The following TMEM214 variants were observed in gnomAD, a reference collection of about 807,000 sequenced individuals.
TMEM214 encodes the protein transmembrane protein 214.
In TMEM214, 71 loss-of-function variants were observed where a neutral mutation model predicts 89.8. That is an observed-to-expected ratio of 0.79 (90% confidence interval 0.65 to 0.96). The LOEUF (loss-of-function observed/expected upper bound fraction) is 0.96. Among genes scored for constraint, TMEM214 ranks in the 40% least tolerant of loss-of-function variants. The probability of loss-of-function intolerance (pLI) is 0.00; values close to 1 mark genes in which losing one functional copy is unlikely to be tolerated. For synonymous variants in TMEM214, 332 were observed against 349.5 expected, an observed-to-expected ratio of 0.95 and a Z score of 0.56; for missense variants, 754 against 843.4, an observed-to-expected ratio of 0.89 and a Z score of 1.31.
At chr2:27,033,932 C>A in intron 1 of TMEM214, 135 bp from the exon 2 acceptor site, 1 of 961,596 alleles carries the variant, frequency 1.0e-6, no homozygotes, top group Non-Finnish European at 1.6e-6. Flanking sequence ...CTTAAGCAGT[C>A]CAAGAGGAAG....
At position 27,037,718 on chromosome 2, in the gene TMEM214, G is replaced by C. The variant is rs754856670; in HGVS notation, c.1152+16G>C. The C allele has an allele frequency of 6.2e-7, 1 of 1,614,098 alleles. No homozygotes were observed. The highest frequency in any genetic ancestry group is 1.7e-5 in the Admixed American group (1 of 60,018). On this transcript the variant is annotated intron_variant, in intron 9 of 16. Transcript: ENST00000238788. ...GAAGAAAGAGGTGAGGATATGGTGG[G>C]AGGCTTTTTCTCCTTCCCCAGGGGT...
In TMEM214 at chr2:27,038,846, C is replaced by T. The variant is rs111715220; in HGVS notation, c.1407+31C>T. On this transcript the variant is annotated intron_variant, in intron 12 of 16. Coordinates refer to ENST00000238788, the MANE Select transcript of TMEM214 (RefSeq NM_017727.5). This position sits in a 1 kb window ranked among gnomAD's most constrained non-coding sequence, Gnocchi z 4.4. ...GGCACCCGGTCCTCTCCAGCCCACA[C>T]GCTATCTTACATCTCTGTCTCAGCA... 59 of 1,580,170 alleles carry T rather than the reference C, an allele frequency of 3.7e-5. 1 individual carries two copies. The highest frequency in any genetic ancestry group is 2.3e-4 in the African/African-American group (17 of 74,254).
Position 27,038,981 on chromosome 2 carries a change from T to C in TMEM214, c.1408-66T>C. On this transcript the variant is annotated intron_variant, in intron 12 of 16. Transcript: ENST00000238788. This position sits in a 1 kb window ranked among gnomAD's most constrained non-coding sequence, Gnocchi z 4.4. The stretch of plus-strand genomic sequence containing the variant: ...TCTTTCGGGAAGGCCTGGCTTGAGG[T>C]CTGCCCTCAGAGGCAAAGACCAGCC... 6.4e-7 allele frequency: 1 copy of C among 1,560,430 alleles called. No homozygotes were observed. The highest frequency in any genetic ancestry group is 8.8e-7 in the Non-Finnish European group (1 of 1,135,546).
intron 2 of TMEM214, 119 bp from the exon 3 acceptor site, chr2:27,035,012 TAAAA>T: frequency 9.2e-7 from 1 of 1,082,284 alleles, no homozygotes; most frequent in Non-Finnish European, 1.3e-6. Flanking sequence ...TTCTTATGCT[TAAAA>T]ATGGAATCCC....
chr2:27,034,436 A>T (rs1572785097), intron 2 of TMEM214, 170 bp downstream of exon 2: 2 of 723,326 alleles, frequency 2.8e-6, no homozygotes, highest in East Asian at 5.5e-5. Context: ...GAATGCCTGC[A>T]CTTAGAATAG....
chr2:27,036,741 AG>A lies in TMEM214; in HGVS notation c.864del (p.Lys288AsnfsTer16). ...ATCATGCTGCCTGTGCTGGGCATCA[AG>A]TCTCTGTCTCCCTTTGCCATCACAT... ...LGIMLPVLGI[K>X]SLSPFAITYL... On this transcript the variant is annotated frameshift_variant, in exon 7 of 17. Coordinates refer to ENST00000238788, the MANE Select transcript of TMEM214 (RefSeq NM_017727.5). LOFTEE classifies it high-confidence loss of function. 6.2e-7 allele frequency: 1 copy of A among 1,614,138 alleles called. No homozygotes were observed. Among genetic ancestry groups the A allele is most frequent in the Non-Finnish European group, 8.5e-7 (1 of 1,180,028 alleles).
chr2:27,039,872 G>A (rs1269217154), intron 14 of TMEM214, 35 bp downstream of exon 14: 1 of 1,596,632 alleles, frequency 6.3e-7, no homozygotes, highest in African/African-American at 1.4e-5. Flanking sequence ...AGGAGAGGCA[G>A]AAGAGAGAAG....
chr2:27,041,488 A>T lies in TMEM214; in HGVS notation c.*651A>T. On this transcript the variant is annotated 3_prime_UTR_variant, in exon 17 of 17. Coordinates refer to ENST00000238788, the MANE Select transcript of TMEM214 (RefSeq NM_017727.5). ...CTCCCTTGTAGTCCTACTTCTTCCA[A>T]CTTTCCATTCCCCATCATGCTGGGG... 1 of 154,034 alleles carries T rather than the reference A, an allele frequency of 6.5e-6. No homozygotes were observed. The highest frequency in any genetic ancestry group is 1.5e-5 in the Non-Finnish European group (1 of 68,326). The allele number at this position is 154,034 out of a possible 1,614,324, so 9.5% of individuals were successfully genotyped here. A position where few individuals can be genotyped will look rare whatever the true frequency, so the allele number is the denominator to read the frequency against.
Position 27,037,641 on chromosome 2 carries a change from C to G in TMEM214, c.1091C>G (p.Thr364Ser), listed in dbSNP as rs1220313148. 6.2e-7 allele frequency: 1 copy of G among 1,614,050 alleles called. No homozygotes were observed. Among genetic ancestry groups the G allele is most frequent in the Non-Finnish European group, 8.5e-7 (1 of 1,180,030 alleles). The change falls in exon 9 of 17, where the codon ACC becomes AGC. Residue 364 changes from threonine to serine, a missense_variant. Physicochemically the swap from Thr to Ser is moderately conservative, Grantham distance 58. Coordinates refer to ENST00000238788, the MANE Select transcript of TMEM214 (RefSeq NM_017727.5). ...FGAKPDSTLH[T>S]YFPSFLSRAT... ...GCAAAGCCGGATTCCACCCTGCATA[C>G]CTACTTCCCTTCTTTCCTGTCCAGA...
intron 2 of TMEM214, among the ~76,000 whole-genome samples, chr2:27,034,903 A>G (rs1454999412): frequency 6.6e-6 from 1 of 152,102 alleles, no homozygotes; most frequent in East Asian, 1.9e-4. Flanking sequence ...CCTCTTGAAC[A>G]TGTGGAGGGC....
chr2:27,037,993 A>G (rs1187868600), intron 9 of TMEM214, 153 bp from the exon 10 acceptor site: 13 of 1,572,510 alleles, frequency 8.3e-6, no homozygotes, highest in Non-Finnish European at 1.1e-5. Flanking sequence ...CCTCTCAGAG[A>G]GCTTTCTGGA....
rs1427662412 is a variant in TMEM214 at position 27,038,922 on chromosome 2, C to T, written c.1407+107C>T. 13 of 1,419,236 alleles carry T rather than the reference C, an allele frequency of 9.2e-6. No homozygotes were observed. The East Asian group carries it at 2.5e-4, about 27-fold the overall frequency. 87.9% of individuals were successfully genotyped at this position (1,419,236 alleles called of 1,614,324 possible). ...TCCTGCCCCACCTGTCTGGAGCCCC[C>T]CGCTGCCTCCAGGATAATGTGAAGG... On this transcript the variant is annotated intron_variant, in intron 12 of 16. Coordinates refer to ENST00000238788, the MANE Select transcript of TMEM214 (RefSeq NM_017727.5). The surrounding 1 kb of genome is among the most constrained non-coding windows in gnomAD (Gnocchi z 4.4).
intron 7 of TMEM214, 30 bp downstream of exon 7, chr2:27,036,816 G>T (rs1403654857): frequency 6.2e-7 from 1 of 1,610,896 alleles, no homozygotes; most frequent in Non-Finnish European, 8.5e-7. Flanking sequence ...CAAGGGGAAG[G>T]CTCAGGGTGT....
Position 27,036,696 on chromosome 2 carries a change from C to T in TMEM214, c.827-9C>T. On this transcript the variant is annotated splice_polypyrimidine_tract_variant and intron_variant, in intron 6 of 16. Transcript: ENST00000238788. ...CCTGAGGCCTCCCTCGTGACTTTTACCCCTGCAGTGTGGCTGGGGATCATG... is the reference window on the plus strand; with the variant it reads ...CCTGAGGCCTCCCTCGTGACTTTTATCCCTGCAGTGTGGCTGGGGATCATG... 1 of 1,614,120 alleles carries T rather than the reference C, an allele frequency of 6.2e-7. No homozygotes were observed. Among genetic ancestry groups the T allele is most frequent in the Non-Finnish European group, 8.5e-7 (1 of 1,180,032 alleles).
In TMEM214 at chr2:27,034,167, G is replaced by A. The variant is rs748412923; in HGVS notation, c.252G>A (p.Lys84=). 1.2e-6 allele frequency: 2 copies of A among 1,614,186 alleles called. No homozygotes were observed. The highest frequency in any genetic ancestry group is 4.5e-5 in the East Asian group (2 of 44,878). The part of the protein sequence containing the change: ...EQVPPPAVEP[K]KPGNKKQPKK... ...TCCCACCCCCTGCTGTGGAACCTAA[G>A]AAACCAGGGAACAAGAAGCAGCCAA... Residue 84 remains lysine, a synonymous_variant, in exon 2 of 17, where the codon AAG becomes AAA. Coordinates refer to ENST00000238788, the MANE Select transcript of TMEM214 (RefSeq NM_017727.5).
In TMEM214 at chr2:27,036,582, G is replaced by A. The variant is rs770485528; in HGVS notation, c.816G>A (p.Glu272=). The A allele has an allele frequency of 2.9e-5, 46 of 1,614,018 alleles. 1 individual carries two copies. Among genetic ancestry groups the A allele is most frequent in the Middle Eastern group, 1.6e-4 (1 of 6,084 alleles). Residue 272 remains glutamate (E), a synonymous_variant, in exon 6 of 17, where the codon GAG becomes GAA. Coordinates refer to ENST00000238788, the MANE Select transcript of TMEM214 (RefSeq NM_017727.5). The part of the protein sequence containing the change: ...LGQAGFANLT[E]GLKVWLGIML... The stretch of plus-strand genomic sequence containing the variant: ...AAGCAGGTTTTGCCAACCTCACCGA[G>A]GGACTGAAAGGTAACAGGGAAATAG...
Position 27,033,166 on chromosome 2 carries a change from C to G in TMEM214, c.151C>G (p.Pro51Ala). Residue 51 changes from proline to alanine, a missense_variant and splice_region_variant, in exon 1 of 17, where the codon CCT (proline) becomes GCT (alanine). Pro to Ala is a conservative substitution (Grantham distance 27, BLOSUM62 -1). Coordinates refer to ENST00000238788, the MANE Select transcript of TMEM214 (RefSeq NM_017727.5). ...CGGAGTGTGGAAATACGACCTGACC[C>G]GTGAGTACCCGCCCTGCCCCGCCGC... ...ANGVWKYDLT[P>A]AIQTTSTLYE... 8.0e-7 allele frequency: 1 copy of G among 1,248,056 alleles called. No homozygotes were observed. The highest frequency in any genetic ancestry group is 1.0e-6 in the Non-Finnish European group (1 of 987,702). The allele number at this position is 1,248,056 out of a possible 1,614,324, so 77.3% of individuals were successfully genotyped here.
At chr2:27,037,223 C>T (rs879164177) in intron 8 of TMEM214, 45 bp downstream of exon 8, 1 of 1,415,578 alleles carries the variant, frequency 7.1e-7, no homozygotes. Flanking sequence ...GACCACAGCA[C>T]CAGAACCACA....
At position 27,037,067 on chromosome 2, in the gene TMEM214, A is replaced by C. The variant is rs1402198083; in HGVS notation, c.909-10A>C. On this transcript the variant is annotated splice_polypyrimidine_tract_variant and intron_variant, in intron 7 of 16. Transcript: ENST00000238788. ...TGGTGTCCAGCGAGCCTGTTTCTTC[A>C]TCCCCACAGGATGCATCCCAACCTT... The C allele has an allele frequency of 1.2e-6, 2 of 1,612,888 alleles. No homozygotes were observed. Among genetic ancestry groups the C allele is most frequent in the Non-Finnish European group, 1.7e-6 (2 of 1,178,972 alleles).
Sources: gnomAD v4.1 joint callset for allele counts (sites outside exome capture counted in the v4.1 genomes callset) on GRCh38, gnomAD v4.1.1 for gene constraint, Gnocchi (gnomAD v3.1) non-coding constraint, MANE v1.5 for transcripts, NCBI Gene and HGNC (gene_info 2026-07-23, HGNC 2026-07-21) for gene names.